CNTN5: variants seen among roughly 807,000 people sequenced by gnomAD.
CNTN5 encodes the protein contactin 5.
Under a neutral mutation model 129.1 loss-of-function variants are expected in CNTN5, and 77 were observed. The ratio of observed to expected loss-of-function variants is 0.60; its 90% CI spans 0.50 to 0.72. The LOEUF is 0.72. Ranked by LOEUF, CNTN5 falls within the 30% of genes least tolerant of loss-of-function variation. The probability of loss-of-function intolerance (pLI) is 0.00; values close to 1 mark genes in which losing one functional copy is unlikely to be tolerated. For missense variants in CNTN5, 1,478 were observed against 1,328.8 expected, an observed-to-expected ratio of 1.11 and a Z score of -1.75; for synonymous variants, 509 against 465.6, an observed-to-expected ratio of 1.09 and a Z score of -1.20.
intron 1 of CNTN5, among the ~76,000 whole-genome samples, chr11:99,197,470 C>A (rs1858960832): frequency 6.6e-6 from 1 of 151,982 alleles, no homozygotes; most frequent in Non-Finnish European, 1.5e-5. Flanking sequence ...TATAGAAATT[C>A]AACTTACATA....
At chr11:99,962,815 A>C (rs1182286315) in intron 8 of CNTN5, among the ~76,000 whole-genome samples, 2 of 151,766 alleles carry the variant, frequency 1.3e-5, no homozygotes, top group African/African-American at 4.9e-5. Flanking sequence ...CATCTGCAGC[A>C]CCTGTTGTTT....
chr11:99,596,530 C>A (rs1374632684), intron 3 of CNTN5, among the ~76,000 whole-genome samples: 1 of 152,124 alleles, frequency 6.6e-6, no homozygotes, highest in Admixed American at 6.6e-5. Context: ...GGAAAAAGCT[C>A]ATAAGCTTCA....
At chr11:99,748,695 T>C (rs1196842605) in intron 3 of CNTN5, among the ~76,000 whole-genome samples, 3 of 152,152 alleles carry the variant, frequency 2.0e-5, no homozygotes, top group African/African-American at 4.8e-5. Context: ...GGAACAATTA[T>C]ATTCGAGGAC....
intron 6 of CNTN5, among the ~76,000 whole-genome samples, chr11:99,894,832 A>G (rs1238140408): frequency 6.6e-6 from 1 of 152,196 alleles, no homozygotes; most frequent in East Asian, 1.9e-4. Flanking sequence ...ATTTAGAAAC[A>G]TCTAAATTTT....
At chr11:99,204,481 T>C (rs993029245) in intron 1 of CNTN5, among the ~76,000 whole-genome samples, 2 of 152,206 alleles carry the variant, frequency 1.3e-5, no homozygotes, top group African/African-American at 4.8e-5. Context: ...ACCTCCTCCC[T>C]ATTGCAGAAT....
intron 2 of CNTN5, among the ~76,000 whole-genome samples, chr11:99,440,115 T>C (rs1020013081): frequency 3.3e-5 from 5 of 152,198 alleles, no homozygotes; most frequent in African/African-American, 9.6e-5. Context: ...AAAACATTCC[T>C]TCACATTTTT....
chr11:99,507,645 T>C (rs1232609887), intron 2 of CNTN5, among the ~76,000 whole-genome samples: 1 of 152,166 alleles, frequency 6.6e-6, no homozygotes, highest in African/African-American at 2.4e-5. Context: ...AACATTTAGA[T>C]ATGGAATATT....
At chr11:100,351,968 C>G (rs567232324) in intron 24 of CNTN5, among the ~76,000 whole-genome samples, 2 of 151,546 alleles carry the variant, frequency 1.3e-5, no homozygotes, top group South Asian at 4.2e-4. Context: ...AAGAATGAGA[C>G]AGACTGGAAC....
chr11:100,172,928 T>C (rs1947865868), intron 13 of CNTN5, among the ~76,000 whole-genome samples: 1 of 152,032 alleles, frequency 6.6e-6, no homozygotes, highest in Non-Finnish European at 1.5e-5. Flanking sequence ...ACCAATGTGT[T>C]GAAATGGGGA....
intron 2 of CNTN5, among the ~76,000 whole-genome samples, chr11:99,455,026 G>A (rs970528731): frequency 6.6e-6 from 1 of 152,088 alleles, no homozygotes; most frequent in Non-Finnish European, 1.5e-5. Flanking sequence ...CCTTGGCAAG[G>A]GATGAGTGGT....
intron 23 of CNTN5, among the ~76,000 whole-genome samples, chr11:100,346,223 G>T (rs547950420): frequency 1.3e-3 from 198 of 152,078 alleles, no homozygotes; most frequent in African/African-American, 4.6e-3. Context: ...ATAATTTGGG[G>T]TCTCTATCTA....
intron 23 of CNTN5, among the ~76,000 whole-genome samples, chr11:100,342,266 C>A (rs1204937586): frequency 6.6e-6 from 1 of 151,840 alleles, no homozygotes; most frequent in Non-Finnish European, 1.5e-5. Flanking sequence ...CATTCCCTTA[C>A]TCCTCTTTCC....
At chr11:99,765,115 A>G (rs1565504500) in intron 3 of CNTN5, among the ~76,000 whole-genome samples, 1 of 152,074 alleles carries the variant, frequency 6.6e-6, no homozygotes, top group Non-Finnish European at 1.5e-5. Context: ...AATAGAATAT[A>G]AAATATTATT....
At chr11:99,434,362 C>T (rs571312381) in intron 2 of CNTN5, among the ~76,000 whole-genome samples, 108 of 152,226 alleles carry the variant, frequency 7.1e-4, no homozygotes, top group African/African-American at 2.6e-3. Flanking sequence ...CTTGAGTTAG[C>T]AGAGAAAATT....
At chr11:99,837,872 G>C (rs1204452270) in intron 4 of CNTN5, among the ~76,000 whole-genome samples, 1 of 151,784 alleles carries the variant, frequency 6.6e-6, no homozygotes, top group Non-Finnish European at 1.5e-5. Context: ...TTTAGTAAAA[G>C]CTAAAAGTAA....
At chr11:99,258,663 GTAA>G (rs913299583) in intron 1 of CNTN5, among the ~76,000 whole-genome samples, 10 of 151,802 alleles carry the variant, frequency 6.6e-5, no homozygotes, top group African/African-American at 2.4e-4. Context: ...CATTATAATG[GTAA>G]TAATATTTCA....
chr11:100,022,705 G>A (rs555401543), intron 9 of CNTN5, among the ~76,000 whole-genome samples: 20 of 152,216 alleles, frequency 1.3e-4, no homozygotes, highest in African/African-American at 3.9e-4. Context: ...TTGTAGGTAG[G>A]CCTAATAATT....
intron 9 of CNTN5, among the ~76,000 whole-genome samples, chr11:100,040,750 T>A (rs2137674204): frequency 6.6e-6 from 1 of 152,184 alleles, no homozygotes; most frequent in East Asian, 1.9e-4. Context: ...TGAGCGAGAC[T>A]CTGTGGGCGT....
At chr11:99,375,319 AAAAAAAAG>A (rs1940107783) in intron 2 of CNTN5, among the ~76,000 whole-genome samples, 1 of 151,018 alleles carries the variant, frequency 6.6e-6, no homozygotes, top group Non-Finnish European at 1.5e-5. Flanking sequence ...AAAAAAAAAA[AAAAAAAAG>A]GAGAAATAAA....
Sources: gnomAD v4.1 joint callset for allele counts (sites outside exome capture counted in the v4.1 genomes callset) on GRCh38, gnomAD v4.1.1 for gene constraint, MANE v1.5 for transcripts, NCBI Gene and HGNC (gene_info 2026-07-23, HGNC 2026-07-21) for gene names.